MCF2L: variants seen among roughly 807,000 people sequenced by gnomAD.
The protein encoded by MCF2L is MCF.2 cell line derived transforming sequence like.
MCF2L carries 97 observed loss-of-function variants against 153.4 expected under a neutral mutation model. The observed-to-expected ratio is 0.63, with a 90% confidence interval of 0.54 to 0.75. MCF2L has a LOEUF of 0.75. Among genes scored for constraint, MCF2L ranks in the 30% least tolerant of loss-of-function variants. The pLI is 0.00. For missense variants in MCF2L, 1,347 were observed against 1,495.2 expected, an observed-to-expected ratio of 0.90 and a Z score of 1.64; for synonymous variants, 659 against 632.2, an observed-to-expected ratio of 1.04 and a Z score of -0.64.
chr13:113,090,438 C>T (rs1251087296), intron 26 of MCF2L: 2 of 247,092 alleles, frequency 8.1e-6, no homozygotes, highest in Non-Finnish European at 1.2e-5. Context: ...CCTCTCCCTG[C>T]CCCCCACCCC....
intron 26 of MCF2L, chr13:113,089,940 C>T: frequency 1.3e-6 from 2 of 1,597,586 alleles, no homozygotes; most frequent in South Asian, 2.2e-5. Context: ...TCAGCAAGGC[C>T]AGCCCCAGAA....
chr13:113,013,985 A>G (rs1483650974), intron 1 of MCF2L, among the ~76,000 whole-genome samples: 8 of 145,632 alleles, frequency 5.5e-5, no homozygotes, highest in Non-Finnish European at 1.2e-4. Context: ...TAGTGCTCCC[A>G]GCTGGTGCTG....
Position 113,045,343 on chromosome 13 carries a change from G to A in MCF2L, c.351G>A (p.Ala117=), listed in dbSNP as rs1224722644. The part of the protein sequence containing the change: ...RRRDKWTSVK[A]SVLRIAASFP... Reference sequence around the variant, plus strand: ...GGGACAAATGGACCTCCGTGAAGGCGTCCGTCCTGCGCATCGCAGTAAGTG... The same window carrying A: ...GGGACAAATGGACCTCCGTGAAGGCATCCGTCCTGCGCATCGCAGTAAGTG... Residue 117 remains alanine (A), a synonymous_variant, in exon 4 of 30, where the codon GCG becomes GCA. Coordinates refer to ENST00000535094, the MANE Select transcript of MCF2L (RefSeq NM_001112732.3). This position sits in a 1 kb window ranked among gnomAD's most constrained non-coding sequence, Gnocchi z 4.2. 1.2e-5 allele frequency: 20 copies of A among 1,613,882 alleles called. No homozygotes were observed. Among genetic ancestry groups the A allele is most frequent in the Admixed American group, 3.3e-5 (2 of 60,014 alleles).
intron 26 of MCF2L, among the ~76,000 whole-genome samples, chr13:113,092,516 G>A (rs1005045776): frequency 4.6e-5 from 7 of 152,276 alleles, no homozygotes; most frequent in African/African-American, 1.7e-4. Context: ...TTTCTGCTGT[G>A]GTTGGTGGTA....
At chr13:112,926,183 G>A (rs1001068650) in intron 2 of MCF2L, among the ~76,000 whole-genome samples, 5 of 152,162 alleles carry the variant, frequency 3.3e-5, no homozygotes, top group Admixed American at 1.3e-4. Context: ...TATACACAGC[G>A]GAGTGCAGTA....
At chr13:113,014,249 AGGCCAGGGTTGT>A (rs1256345342) in intron 1 of MCF2L, among the ~76,000 whole-genome samples, 1 of 152,166 alleles carries the variant, frequency 6.6e-6, no homozygotes, top group Non-Finnish European at 1.5e-5. Context: ...TCTAATGGCG[AGGCCAGGGTTGT>A]GGCACAGACC....
At chr13:112,991,796 CAT>C (rs1298062992) in intron 1 of MCF2L, among the ~76,000 whole-genome samples, 1 of 152,170 alleles carries the variant, frequency 6.6e-6, no homozygotes, top group African/African-American at 2.4e-5. Flanking sequence ...TACCGGAAGT[CAT>C]GTCTGGCAGG....
rs750836161 is a variant in MCF2L at position 113,078,752 on chromosome 13, C to T, written c.1808+13C>T. The T allele has an allele frequency of 2.0e-5, 32 of 1,588,822 alleles. No homozygotes were observed. In the South Asian group the frequency reaches 3.6e-4, roughly 18 times the overall value. On this transcript the variant is annotated intron_variant, in intron 15 of 29. Transcript: ENST00000535094. ...CCATCCTGCGCAGGTGGGTGCGCTG[C>T]CCTTCTGTCCTCACAGGGGCCCTCC...
chr13:113,011,700 GAC>G (rs1291440295), intron 1 of MCF2L, among the ~76,000 whole-genome samples: 1 of 144,076 alleles, frequency 6.9e-6, no homozygotes, highest in African/African-American at 2.5e-5. Flanking sequence ...GTGGACGGTG[GAC>G]ACCGTGATGC....
intron 9 of MCF2L, among the ~76,000 whole-genome samples, chr13:113,073,895 A>C (rs549875704): frequency 6.6e-6 from 1 of 151,860 alleles, no homozygotes; most frequent in Non-Finnish European, 1.5e-5. Context: ...AGCCTGGGCA[A>C]CAAGAACAAA....
intron 2 of MCF2L, among the ~76,000 whole-genome samples, chr13:112,954,951 G>T (rs2081739402): frequency 6.6e-6 from 1 of 152,194 alleles, no homozygotes; most frequent in South Asian, 2.1e-4. Context: ...GTGGCTGCAG[G>T]GTCCCAGCTA....
At position 112,941,223 on chromosome 13, in the gene MCF2L, A is replaced by G. The variant is rs377645174; in HGVS notation, c.169+38852A>G. The stretch of plus-strand genomic sequence containing the variant: ...CTATCTTGGTTTGCTTTAGAAACAT[A>G]GTTCCTGGGATGTGTCCTGTTCACA... On this transcript the variant is annotated intron_variant, in intron 2 of 29. Transcript: ENST00000375608. The surrounding 1 kb of genome is among the most constrained non-coding windows in gnomAD (Gnocchi z 4.9). 6.6e-6 allele frequency among the ~76,000 whole-genome samples: 1 copy of G among 151,984 alleles called. No individual in the cohort carries two copies. The highest frequency in any genetic ancestry group is 2.4e-5 in the African/African-American group (1 of 41,392).
At chr13:113,063,331 A>G (rs1367912810) in intron 5 of MCF2L, among the ~76,000 whole-genome samples, 4 of 150,898 alleles carry the variant, frequency 2.7e-5, no homozygotes, top group Non-Finnish European at 5.9e-5. Context: ...AGCTGCCTAC[A>G]GTGTCCAGAC....
At chr13:112,998,666 C>T (rs541094013) in intron 1 of MCF2L, among the ~76,000 whole-genome samples, 45 of 152,284 alleles carry the variant, frequency 3.0e-4, no homozygotes, top group African/African-American at 9.1e-4. Context: ...TTCTCTACTG[C>T]GCTCCCGATC....
Position 113,074,350 on chromosome 13 carries a change from A to C in MCF2L, c.997-94A>C, listed in dbSNP as rs1268143106. The C allele has an allele frequency of 2.0e-5, 31 of 1,514,456 alleles. No individual in the cohort carries two copies. The East Asian group carries it at 5.3e-4, about 26-fold the overall frequency. 93.8% of individuals were successfully genotyped at this position (1,514,456 alleles called of 1,614,324 possible). On this transcript the variant is annotated intron_variant, in intron 9 of 29. Coordinates refer to ENST00000535094, the MANE Select transcript of MCF2L (RefSeq NM_001112732.3). The surrounding 1 kb of genome is among the most constrained non-coding windows in gnomAD (Gnocchi z 4.2). ...TGATGACCACTTGGCCCGACTTTGA[A>C]TTCTGTCATTTCCCTGATCTGGAGC...
chr13:113,038,419 C>T (rs540525146), intron 3 of MCF2L, among the ~76,000 whole-genome samples: 9 of 148,376 alleles, frequency 6.1e-5, no homozygotes, highest in Admixed American at 2.0e-4. Flanking sequence ...GAGCTGATAT[C>T]GCGCCACTGC....
chr13:113,085,225 C>A (rs1461042097), intron 20 of MCF2L, 47 bp downstream of exon 20: 2 of 1,557,668 alleles, frequency 1.3e-6, no homozygotes, highest in East Asian at 4.5e-5. Context: ...CACCTGCTGG[C>A]CAGGTGTCTG....
chr13:113,041,868 G>A (rs1259415582), intron 3 of MCF2L, among the ~76,000 whole-genome samples: 1 of 152,128 alleles, frequency 6.6e-6, no homozygotes, highest in Non-Finnish European at 1.5e-5. Flanking sequence ...AGGCCGCCAG[G>A]GTGGACGTGG....
Position 113,082,414 on chromosome 13 carries a change from G to A in MCF2L, c.1876-13G>A, listed in dbSNP as rs200589341. The A allele has an allele frequency of 3.1e-5, 49 of 1,584,746 alleles. No individual in the cohort carries two copies. In the Middle Eastern group the frequency reaches 5.1e-4, roughly 16 times the overall value. ...GCCCAGGACCCCCGCCGACCTCTGCGCTCTCCCTGCAGGGCTACGCCGCGG... is the reference window on the plus strand; with the variant it reads ...GCCCAGGACCCCCGCCGACCTCTGCACTCTCCCTGCAGGGCTACGCCGCGG... On this transcript the variant is annotated splice_polypyrimidine_tract_variant and intron_variant, in intron 16 of 29. Transcript: ENST00000535094.
Sources: gnomAD v4.1 joint callset for allele counts (sites outside exome capture counted in the v4.1 genomes callset) on GRCh38, gnomAD v4.1.1 for gene constraint, Gnocchi (gnomAD v3.1) non-coding constraint, MANE v1.5 for transcripts, NCBI Gene and HGNC (gene_info 2026-07-23, HGNC 2026-07-21) for gene names.